Variants in DOCK9 observed in about 807,000 individuals in gnomAD.
DOCK9 encodes dedicator of cytokinesis protein 9.
A neutral mutation model predicts 263.3 loss-of-function variants in DOCK9; 89 were observed. That is an observed-to-expected ratio of 0.34 (90% CI 0.28 to 0.40). The LOEUF (loss-of-function observed/expected upper bound fraction) is 0.40. Among genes scored for constraint, DOCK9 ranks in the 10% least tolerant of loss-of-function variants. The pLI is 1.00. For synonymous variants in DOCK9, 976 were observed against 973.1 expected, an observed-to-expected ratio of 1.00 and a Z score of -0.06; for missense variants, 2,140 against 2,603.4, an observed-to-expected ratio of 0.82 and a Z score of 3.87.
In DOCK9 at chr13:98,845,956, C is replaced by A; in HGVS notation, c.4166G>T (p.Gly1389Val). The A allele has an allele frequency of 1.9e-6, 3 of 1,613,454 alleles. No homozygotes were observed. The highest frequency in any genetic ancestry group is 2.5e-6 in the Non-Finnish European group (3 of 1,179,708). Residue 1389 changes from glycine (G) to valine (V), a missense_variant, in exon 38 of 53, where the codon GGC (glycine) becomes GTC (valine). Around this residue, in one of 2 missense-constraint regions of DOCK9, gnomAD observed 1,521 missense variants for 1,741.7 expected, o/e 0.87. Transcript: ENST00000682017. Reference sequence around the variant, plus strand: ...AAAAGTGAGAGAGTTATCCAGGCTGCCCAGCTGCTGCAATCTGGCATGCAT... The same window carrying A: ...AAAAGTGAGAGAGTTATCCAGGCTGACCAGCTGCTGCAATCTGGCATGCAT... ...GMMHARLQQLGSLDNSLTFNH... is the reference protein window; with the variant it reads ...GMMHARLQQLVSLDNSLTFNH...
At chr13:98,952,781 AT>A (rs2140931620) in intron 2 of DOCK9, among the ~76,000 whole-genome samples, 1 of 152,328 alleles carries the variant, frequency 6.6e-6, no homozygotes, top group African/African-American at 2.4e-5. Context: ...ATTTTAGTAA[AT>A]TGTCATTTCA....
upstream of DOCK9, among the ~76,000 whole-genome samples, chr13:98,981,054 G>GTTTT (rs1291190944): frequency 7.0e-6 from 1 of 143,872 alleles, no homozygotes. Flanking sequence ...CAAGTAATTT[G>GTTTT]TTTTTTGTTT....
chr13:99,082,573 A>C (rs1596065213), intron 1 of DOCK9, among the ~76,000 whole-genome samples: 1 of 151,062 alleles, frequency 6.6e-6, no homozygotes, highest in African/African-American at 2.4e-5. Context: ...ATAAAAAAAA[A>C]CAGCTTCAAA....
intron 7 of DOCK9, among the ~76,000 whole-genome samples, chr13:98,919,962 G>C (rs1387591426): frequency 6.6e-6 from 1 of 152,192 alleles, no homozygotes; most frequent in Non-Finnish European, 1.5e-5. Flanking sequence ...TCCTGTGTAT[G>C]CTTATAAGCT....
At chr13:98,845,355 C>T in intron 38 of DOCK9, 11 of 1,359,974 alleles carry the variant, frequency 8.1e-6, no homozygotes, top group Non-Finnish European at 1.1e-5. Context: ...TCCAAGCACA[C>T]TTGATATCTT....
chr13:98,991,165 G>C (rs886407382), intron 1 of DOCK9, among the ~76,000 whole-genome samples: 1 of 151,704 alleles, frequency 6.6e-6, no homozygotes, highest in Non-Finnish European at 1.5e-5. Flanking sequence ...TCCGCCTCCT[G>C]GGTTCACGTT....
intron 39 of DOCK9, among the ~76,000 whole-genome samples, chr13:98,833,412 A>C (rs574797188): frequency 1.3e-5 from 2 of 152,170 alleles, no homozygotes; most frequent in Non-Finnish European, 2.9e-5. Flanking sequence ...TCCAGGAGAT[A>C]CGGTTTCTAC....
At chr13:98,814,177 A>G (rs2091590651) in intron 45 of DOCK9, among the ~76,000 whole-genome samples, 1 of 152,166 alleles carries the variant, frequency 6.6e-6, no homozygotes, top group African/African-American at 2.4e-5. Flanking sequence ...CTCCTACATC[A>G]TATTTATAGC....
At position 98,853,159 on chromosome 13, in the gene DOCK9, C is replaced by A. The variant is rs769235336; in HGVS notation, c.3946+249G>T. The stretch of plus-strand genomic sequence containing the variant: ...TTAATATAAATTTAAGAAATAGGCC[C>A]ATTCACATTTTGGAACTCATTTTCT... On this transcript the variant is annotated intron_variant, in intron 35 of 52. Transcript: ENST00000682017. Among the ~76,000 whole-genome samples, 3 of 152,096 alleles carry A rather than the reference C, an allele frequency of 2.0e-5. No homozygotes were observed. In the East Asian group the frequency reaches 5.8e-4, roughly 29 times the overall value.
Position 98,915,385 on chromosome 13 carries a change from A to G in DOCK9, c.836T>C (p.Leu279Pro). The change falls in exon 8 of 53, where the codon CTC (leucine) becomes CCC (proline). Residue 279 changes from leucine (L) to proline (P), a missense_variant. By Grantham distance (98) the Leu-to-Pro change is moderately conservative (BLOSUM62 -3). This residue lies in a region of DOCK9 where 1,521 missense variants were observed against 1,741.7 expected (regional missense o/e 0.87). Coordinates refer to ENST00000682017, the MANE Select transcript of DOCK9 (RefSeq NM_001366683.2). Reference sequence around the variant, plus strand: ...CATTGCAGCTTCAAAGTTGAGCTGGAGGATCTTATTTAGAATTGTGATCCA... The same window carrying G: ...CATTGCAGCTTCAAAGTTGAGCTGGGGGATCTTATTTAGAATTGTGATCCA... ...EEWITILNKI[L>P]QLNFEAAMQE... 1 of 1,613,968 alleles carries G rather than the reference A, an allele frequency of 6.2e-7. No individual in the cohort carries two copies. Among genetic ancestry groups the G allele is most frequent in the Non-Finnish European group, 8.5e-7 (1 of 1,179,864 alleles).
intron 4 of DOCK9, among the ~76,000 whole-genome samples, chr13:98,924,060 C>T (rs950654171): frequency 1.3e-5 from 2 of 152,068 alleles, no homozygotes; most frequent in South Asian, 2.1e-4. Flanking sequence ...AGTAAGTATA[C>T]GACATGACAT....
At chr13:98,811,664 T>A (rs2140280921) in intron 45 of DOCK9, among the ~76,000 whole-genome samples, 1 of 152,326 alleles carries the variant, frequency 6.6e-6, no homozygotes, top group East Asian at 1.9e-4. Flanking sequence ...AGCCTCAGCC[T>A]CCAAAAGTGC....
At chr13:98,914,177 A>T in intron 9 of DOCK9, 151 bp downstream of exon 9, 1 of 634,130 alleles carries the variant, frequency 1.6e-6, no homozygotes, top group Non-Finnish European at 2.7e-6. Context: ...CTGCATGAGT[A>T]CACGTCACCT....
chr13:98,814,932 T>C (rs1175263792), intron 45 of DOCK9, among the ~76,000 whole-genome samples: 4 of 124,550 alleles, frequency 3.2e-5, no homozygotes, highest in African/African-American at 1.2e-4. Context: ...TCAGATTCTG[T>C]CTCAAAATAA....
chr13:99,024,132 G>A (rs1038679284), intron 1 of DOCK9, among the ~76,000 whole-genome samples: 8 of 152,176 alleles, frequency 5.3e-5, no homozygotes, highest in African/African-American at 1.9e-4. Context: ...TGCTGATGCT[G>A]TATCAAACAT....
intron 1 of DOCK9, among the ~76,000 whole-genome samples, chr13:98,998,871 C>T (rs1881644335): frequency 6.6e-6 from 1 of 152,176 alleles, no homozygotes; most frequent in African/African-American, 2.4e-5. Flanking sequence ...TGGTGTTTCA[C>T]TTTGGGCTAC....
chr13:98,914,962 C>T (rs565920804), intron 8 of DOCK9, among the ~76,000 whole-genome samples: 9 of 152,144 alleles, frequency 5.9e-5, no homozygotes, highest in Non-Finnish European at 1.3e-4. Flanking sequence ...ATTTACACTT[C>T]CCATCTTCCC....
chr13:98,983,734 A>C (rs1302754175), intron 1 of DOCK9, among the ~76,000 whole-genome samples: 1 of 151,388 alleles, frequency 6.6e-6, no homozygotes, highest in Non-Finnish European at 1.5e-5. Context: ...CTCCATCCTC[A>C]GCCTCCCGAG....
intron 27 of DOCK9, among the ~76,000 whole-genome samples, chr13:98,879,084 A>C (rs559141362): frequency 6.6e-6 from 1 of 152,328 alleles, no homozygotes; most frequent in East Asian, 1.9e-4. Context: ...TGCAGGTCTC[A>C]GAGGAGCCCT....
Sources: gnomAD v4.1 joint callset for allele counts (sites outside exome capture counted in the v4.1 genomes callset) on GRCh38, gnomAD v4.1.1 for gene constraint, gnomAD v4.1.1 regional missense constraint, MANE v1.5 for transcripts, NCBI Gene and HGNC (gene_info 2026-07-23, HGNC 2026-07-21) for gene names.